FAM91A1: variants seen among roughly 807,000 people sequenced by gnomAD.
FAM91A1 encodes the protein protein FAM91A1.
Under a neutral mutation model 113.5 loss-of-function variants are expected in FAM91A1, and 41 were observed. That is an observed-to-expected ratio of 0.36 (90% CI 0.28 to 0.47). The LOEUF is 0.47. Among genes scored for constraint, FAM91A1 ranks in the 20% least tolerant of loss-of-function variants. The pLI is 1.00. For synonymous variants in FAM91A1, 307 were observed against 347.9 expected (o/e 0.88, Z 1.31); for missense variants, 696 against 1,001.2 (o/e 0.70, Z 4.11).
At chr8:123,769,575 T>C (rs1056751880) in intron 1 of FAM91A1, among the ~76,000 whole-genome samples, 3 of 152,242 alleles carry the variant, frequency 2.0e-5, no homozygotes, top group Admixed American at 2.0e-4. Context: ...TTCTCGATTT[T>C]TTTAGTCTGT....
intron 23 of FAM91A1, 63 bp from the exon 24 acceptor site, chr8:123,812,456 A>C (rs1815980522): frequency 4.3e-6 from 6 of 1,379,572 alleles, no homozygotes; most frequent in Non-Finnish European, 2.0e-6. Context: ...CTTTCTCATT[A>C]GTTATATTAA....
intron 23 of FAM91A1, chr8:123,810,756 GAA>G (rs1197979340): frequency 1.5e-5 from 3 of 199,994 alleles, no homozygotes; most frequent in African/African-American, 4.7e-5. Context: ...CCCAAGGAAA[GAA>G]AGAATATTCT....
chr8:123,783,704 A>G (rs1174265066), intron 8 of FAM91A1, among the ~76,000 whole-genome samples: 3 of 152,322 alleles, frequency 2.0e-5, no homozygotes, highest in African/African-American at 7.2e-5. Flanking sequence ...CCCACAGGGG[A>G]GAATGGCAAA....
At position 123,799,826 on chromosome 8, in the gene FAM91A1, A is replaced by T; in HGVS notation, c.1750A>T (p.Thr584Ser). 6.2e-7 allele frequency: 1 copy of T among 1,609,626 alleles called. No individual in the cohort carries two copies. The highest frequency in any genetic ancestry group is 8.5e-7 in the Non-Finnish European group (1 of 1,176,422). The change falls in exon 18 of 24, where the codon ACC becomes TCC. Residue 584 changes from threonine to serine, a missense_variant. By Grantham distance (58) the Thr-to-Ser change is moderately conservative. Transcript: ENST00000334705. ...SWGHDPGVVP[T>S]SNVLTMLNDA... ...GGGTCATGATCCTGGAGTAGTTCCT[A>T]CCTCAAATGTGCTCACGATGTTGAA...
At position 123,814,900 on chromosome 8, in the gene FAM91A1, G is replaced by A. The variant is rs1228154082; in HGVS notation, c.*2196G>A. On this transcript the variant is annotated 3_prime_UTR_variant, in exon 24 of 24. Transcript: ENST00000334705. ...TTGTTATTTGCCAAAGAAGATTCATGAAAAATTTACGTCCAATTATTTTGC... is the reference window on the plus strand; with the variant it reads ...TTGTTATTTGCCAAAGAAGATTCATAAAAAATTTACGTCCAATTATTTTGC... 1 of 152,572 alleles carries A rather than the reference G, an allele frequency of 6.6e-6. No homozygotes were observed. Among genetic ancestry groups the A allele is most frequent in the Non-Finnish European group, 1.5e-5 (1 of 68,018 alleles). The allele number at this position is 152,572 out of a possible 1,614,324, so 9.5% of individuals were successfully genotyped here.
rs537458877 is a variant in FAM91A1 at position 123,815,308 on chromosome 8, C to T, written c.*2604C>T. 1 of 152,152 alleles carries T rather than the reference C, an allele frequency of 6.6e-6. No individual in the cohort carries two copies. The highest frequency in any genetic ancestry group is 2.1e-4 in the South Asian group (1 of 4,820). 9.4% of individuals were successfully genotyped at this position (152,152 alleles called of 1,614,324 possible). A position where few individuals can be genotyped will look rare whatever the true frequency, so the allele number is the denominator to read the frequency against. The stretch of plus-strand genomic sequence containing the variant: ...TTTGTATTTAAGGATTTTAAAATAC[C>T]AAACTGTAACTGAGTACAGTGGATC... On this transcript the variant is annotated 3_prime_UTR_variant, in exon 24 of 24. Coordinates refer to ENST00000334705, the MANE Select transcript of FAM91A1 (RefSeq NM_144963.4).
intron 22 of FAM91A1, 29 bp from the exon 23 acceptor site, chr8:123,810,253 A>C: frequency 6.3e-7 from 1 of 1,586,784 alleles, no homozygotes; most frequent in Admixed American, 1.9e-5. Flanking sequence ...TGTTTGTTTT[A>C]AACTGTTTCT....
rs776852364 is a variant in FAM91A1 at position 123,798,137 on chromosome 8, C to A, written c.1459C>A (p.Pro487Thr). ...CTGTGAAAGCCTTCTTGGTTTGGAC[C>A]CTGCAACTTGCAGCAGAGTTCTAAA... ...LRCESLLGLDPATCSRVLNKN... is the reference protein window; with the variant it reads ...LRCESLLGLDTATCSRVLNKN... Residue 487 changes from proline to threonine, a missense_variant, in exon 16 of 24, where the codon CCT becomes ACT. Physicochemically the swap from Pro to Thr is conservative, Grantham distance 38. Coordinates refer to ENST00000334705, the MANE Select transcript of FAM91A1 (RefSeq NM_144963.4). 6.2e-7 allele frequency: 1 copy of A among 1,613,874 alleles called. No individual in the cohort carries two copies. The highest frequency in any genetic ancestry group is 8.5e-7 in the Non-Finnish European group (1 of 1,179,958).
At chr8:123,791,153 A>T (rs763098839) in intron 15 of FAM91A1, among the ~76,000 whole-genome samples, 5 of 152,194 alleles carry the variant, frequency 3.3e-5, no homozygotes, top group Non-Finnish European at 5.9e-5. Context: ...ACTAGTGACC[A>T]GTGAAGTGTA....
In FAM91A1 at chr8:123,799,535, A is replaced by C; in HGVS notation, c.1576A>C (p.Ile526Leu). 6.2e-7 allele frequency: 1 copy of C among 1,612,106 alleles called. No individual in the cohort carries two copies. The highest frequency in any genetic ancestry group is 8.5e-7 in the Non-Finnish European group (1 of 1,179,592). ...ATGATTGTAGCATATTGGACCAGCT[A>C]TCCCAGAAGTCAGCTCTGTCTGGTT... ...SCTPQHIGPA[I>L]PEVSSVWFKL... The change falls in exon 17 of 24, where the codon ATC becomes CTC. Residue 526 changes from isoleucine to leucine, a missense_variant. Physicochemically the swap from Ile to Leu is conservative, Grantham distance 5. Transcript: ENST00000334705.
At chr8:123,806,285 G>A (rs1815809708) in intron 20 of FAM91A1, 56 bp downstream of exon 20, 5 of 1,512,450 alleles carry the variant, frequency 3.3e-6, no homozygotes, top group South Asian at 1.3e-5. Flanking sequence ...GTTTGACACA[G>A]TGTTAATATA....
chr8:123,802,684 AG>A (rs970187324), intron 18 of FAM91A1, among the ~76,000 whole-genome samples: 5 of 152,358 alleles, frequency 3.3e-5, no homozygotes, highest in South Asian at 2.1e-4. Context: ...GAAATTAGCC[AG>A]GGAAGATATA....
At chr8:123,800,010 C>A (rs549882572) in intron 18 of FAM91A1, 125 bp downstream of exon 18, 2 of 835,840 alleles carry the variant, frequency 2.4e-6, no homozygotes, top group Admixed American at 6.1e-5. Context: ...TGTAAAAAAT[C>A]AGAGATATGG....
chr8:123,798,006 G>A (rs1312947693), intron 15 of FAM91A1, 84 bp from the exon 16 acceptor site: 2 of 1,426,622 alleles, frequency 1.4e-6, no homozygotes, highest in East Asian at 2.4e-5. Flanking sequence ...AAAATCTTAA[G>A]TCAGTTATCA....
intron 2 of FAM91A1, among the ~76,000 whole-genome samples, chr8:123,774,589 T>C (rs1182714889): frequency 6.6e-6 from 1 of 152,112 alleles, no homozygotes; most frequent in East Asian, 1.9e-4. Flanking sequence ...TTTTTTCTTC[T>C]TTCTAAAAAA....
chr8:123,802,460 A>G (rs1287981507), intron 18 of FAM91A1, among the ~76,000 whole-genome samples: 2 of 152,100 alleles, frequency 1.3e-5, no homozygotes, highest in Admixed American at 1.3e-4. Context: ...TCACTACTCT[A>G]GGGAACACGG....
chr8:123,808,790 G>A (rs1815876544), intron 21 of FAM91A1, 103 bp from the exon 22 acceptor site: 3 of 1,153,510 alleles, frequency 2.6e-6, no homozygotes, highest in Admixed American at 2.8e-5. Context: ...TGGGGCAGGA[G>A]GAATCTATGA....
At chr8:123,776,354 G>A (rs1209670611) in intron 3 of FAM91A1, among the ~76,000 whole-genome samples, 1 of 152,210 alleles carries the variant, frequency 6.6e-6, no homozygotes, top group Non-Finnish European at 1.5e-5. Flanking sequence ...GTAACATGAG[G>A]TTAGCCCTAC....
At chr8:123,771,457 G>A (rs1400210372) in intron 1 of FAM91A1, among the ~76,000 whole-genome samples, 2 of 152,280 alleles carry the variant, frequency 1.3e-5, no homozygotes, top group African/African-American at 2.4e-5. Context: ...AGTTCTGTAA[G>A]CTAGGGGCAG....
Sources: allele counts gnomAD v4.1 joint callset (sites outside exome capture counted in the v4.1 genomes callset), GRCh38; gene constraint gnomAD v4.1.1; transcripts MANE v1.5; gene names NCBI Gene and HGNC (gene_info 2026-07-23, HGNC 2026-07-21).